The following SPDEF variants were observed in gnomAD, a reference collection of about 807,000 sequenced individuals.
SPDEF encodes SAM pointed domain containing ETS transcription factor, also known as SAM pointed domain-containing Ets transcription factor.
A neutral mutation model predicts 36.0 loss-of-function variants in SPDEF; 12 were observed. The ratio of observed to expected loss-of-function variants is 0.33; its 90% CI spans 0.21 to 0.54. SPDEF has a LOEUF of 0.54. Ranked by LOEUF, SPDEF falls within the 20% of genes least tolerant of loss-of-function variation. SPDEF has a pLI of 0.93. For missense variants in SPDEF, 388 were observed against 456.9 expected (o/e 0.85, Z 1.37); for synonymous variants, 205 against 193.0 (o/e 1.06, Z -0.51).
chr6:34,554,002 C>G (rs1190303463), intron 1 of SPDEF, among the ~76,000 whole-genome samples: 2 of 151,546 alleles, frequency 1.3e-5, no homozygotes, highest in East Asian at 3.9e-4. Context: ...CTGCTCCAGG[C>G]TGTCTCCTCC....
At chr6:34,542,446 G>C (rs7761030) in intron 2 of SPDEF, among the ~76,000 whole-genome samples, 113 of 152,342 alleles carry the variant, frequency 7.4e-4, no homozygotes, top group African/African-American at 2.5e-3. Context: ...CCTCCTCATC[G>C]GGGCCTTCCG....
intron 1 of SPDEF, among the ~76,000 whole-genome samples, chr6:34,546,403 C>G (rs1767954284): frequency 6.6e-6 from 1 of 152,152 alleles, no homozygotes. Context: ...TGATCCATCT[C>G]CAGTTACCCT....
In SPDEF at chr6:34,555,211, C is replaced by T. The variant is rs1037610708; in HGVS notation, c.-30+718G>A. The stretch of plus-strand genomic sequence containing the variant: ...AGCTTCCCACCCTGTCATCCCACCA[C>T]CCACTTCCTCTCTCCACCGCAGAAA... On this transcript the variant is annotated intron_variant, in intron 1 of 5. Coordinates refer to ENST00000374037, the MANE Select transcript of SPDEF (RefSeq NM_012391.3). This position sits in a 1 kb window ranked among gnomAD's most constrained non-coding sequence, Gnocchi z 5.2. 5.3e-5 allele frequency among the ~76,000 whole-genome samples: 8 copies of T among 151,520 alleles called. No homozygotes were observed. Among genetic ancestry groups the T allele is most frequent in the Non-Finnish European group, 8.8e-5 (6 of 67,896 alleles).
chr6:34,554,436 T>A (rs1768125471), intron 1 of SPDEF, among the ~76,000 whole-genome samples: 1 of 152,082 alleles, frequency 6.6e-6, no homozygotes, highest in African/African-American at 2.4e-5. Flanking sequence ...AACCAAAGTG[T>A]TTTACAACTG....
chr6:34,548,749 T>C (rs1768001783), intron 1 of SPDEF, among the ~76,000 whole-genome samples: 1 of 152,198 alleles, frequency 6.6e-6, no homozygotes, highest in African/African-American at 2.4e-5. Flanking sequence ...CCTTTCCTTC[T>C]CATCACAATT....
In SPDEF at chr6:34,538,416, C is replaced by T. The variant is rs765350354; in HGVS notation, c.866G>A (p.Arg289Gln). The change falls in exon 6 of 6, where the codon CGG (arginine) becomes CAG (glutamine). Residue 289 changes from arginine to glutamine, a missense_variant. Physicochemically the swap from Arg to Gln is conservative, Grantham distance 43. This residue lies in a region of SPDEF where 80 missense variants were observed against 130.8 expected (regional missense o/e 0.61). Transcript: ENST00000374037. The surrounding 1 kb of genome is among the most constrained non-coding windows in gnomAD (Gnocchi z 5.9). ...ACGGTTCTTGCGGATGCCCCACAGC[C>T]GGGCCACCTGGGCTGAGTCCTCAAT... ...FKIEDSAQVA[R>Q]LWGIRKNRPA... is the part of the protein sequence containing the mutation. 3.5e-5 allele frequency: 57 copies of T among 1,613,764 alleles called. No homozygotes were observed. The highest frequency in any genetic ancestry group is 1.6e-4 in the Middle Eastern group (1 of 6,078).
Position 34,541,087 on chromosome 6 carries a change from C to T in SPDEF, c.531G>A (p.Glu177=), listed in dbSNP as rs751824837. 7 of 1,611,820 alleles carry T rather than the reference C, an allele frequency of 4.3e-6. No homozygotes were observed. The highest frequency in any genetic ancestry group is 1.3e-5 in the African/African-American group (1 of 75,046). Residue 177 remains glutamate (E), a synonymous_variant, in exon 3 of 6, where the codon GAG becomes GAA. Coordinates refer to ENST00000374037, the MANE Select transcript of SPDEF (RefSeq NM_012391.3). The part of the protein sequence containing the change: ...RLPPMGKAFQ[E]LAGKELCAMS... ...TGGCGCACAGCTCCTTGCCCGCCAG[C>T]TCCTGGAAGGCCTTGCCCATGGGGG...
chr6:34,540,837 G>A, intron 3 of SPDEF, 147 bp downstream of exon 3: 4 of 729,814 alleles, frequency 5.5e-6, no homozygotes, highest in South Asian at 1.8e-5. Context: ...GGATCCAGGA[G>A]GCAGCTGAAA....
Position 34,555,533 on chromosome 6 carries a change from C to T in SPDEF, c.-30+396G>A, listed in dbSNP as rs1768149690. 6.6e-6 allele frequency among the ~76,000 whole-genome samples: 1 copy of T among 152,246 alleles called. No individual in the cohort carries two copies. The highest frequency in any genetic ancestry group is 2.4e-5 in the African/African-American group (1 of 41,478). On this transcript the variant is annotated intron_variant, in intron 1 of 5. Transcript: ENST00000374037. The surrounding 1 kb of genome is among the most constrained non-coding windows in gnomAD (Gnocchi z 5.2). ...CCTGGCACCAGGGAGACCCTTTCCT[C>T]AGCAGAGCAGCTGGGTTGGCAGCAG...
chr6:34,542,993 A>C (rs1434898040), intron 2 of SPDEF, among the ~76,000 whole-genome samples: 4 of 151,202 alleles, frequency 2.6e-5, no homozygotes, highest in Admixed American at 1.3e-4. Context: ...GGAGATCGAG[A>C]CCATCCTGGC....
rs1370485593 is a variant in SPDEF, at chr6:34,552,148, C to A, written c.-30+3781G>T. The stretch of plus-strand genomic sequence containing the variant: ...TCTGGCACAGTCTCGTCCTCACCCC[C>A]AAATCGCCGGTACACTCCTTGAAGG... On this transcript the variant is annotated intron_variant, in intron 1 of 5. Transcript: ENST00000374037. The surrounding 1 kb of genome is among the most constrained non-coding windows in gnomAD (Gnocchi z 4.6). Among the ~76,000 whole-genome samples the A allele has an allele frequency of 6.6e-6, 1 of 152,134 alleles. No homozygotes were observed. Among genetic ancestry groups the A allele is most frequent in the Non-Finnish European group, 1.5e-5 (1 of 68,020 alleles).
At chr6:34,545,460 C>T (rs1481504739) in intron 1 of SPDEF, among the ~76,000 whole-genome samples, 4 of 152,264 alleles carry the variant, frequency 2.6e-5, no homozygotes, top group Non-Finnish European at 1.5e-5. Flanking sequence ...TTGCTCCCCA[C>T]GGGCCGCCCC....
At chr6:34,549,127 C>A (rs1322905004) in intron 1 of SPDEF, among the ~76,000 whole-genome samples, 1 of 152,218 alleles carries the variant, frequency 6.6e-6, no homozygotes, top group African/African-American at 2.4e-5. Flanking sequence ...AGCGATGCCT[C>A]CAGCTCCCAA....
At chr6:34,546,995 C>A (rs1436661476) in intron 1 of SPDEF, among the ~76,000 whole-genome samples, 2 of 141,786 alleles carry the variant, frequency 1.4e-5, no homozygotes, top group Admixed American at 6.8e-5. Context: ...CCTGGGGACC[C>A]CCCCCCGCAG....
rs985967637 is a variant in SPDEF at position 34,538,578 on chromosome 6, G to A, written c.830-126C>T. ...CCCGTGCAGAGGCCTCCCCCTGCTC[G>A]GGTGGGGCGGGGTGTGGGGGCCCAA... On this transcript the variant is annotated intron_variant, in intron 5 of 5. Coordinates refer to ENST00000374037, the MANE Select transcript of SPDEF (RefSeq NM_012391.3). The surrounding 1 kb of genome is among the most constrained non-coding windows in gnomAD (Gnocchi z 5.9). 1.2e-5 allele frequency: 11 copies of A among 908,478 alleles called. No individual in the cohort carries two copies. The highest frequency in any genetic ancestry group is 5.0e-5 in the African/African-American group (3 of 60,054). The allele number at this position is 908,478 out of a possible 1,614,324, so 56.3% of individuals were successfully genotyped here.
rs1767808353 is a variant in SPDEF, at chr6:34,541,021, C to T, written c.597G>A (p.Gly199=). 3 of 1,612,044 alleles carry T rather than the reference C, an allele frequency of 1.9e-6. No individual in the cohort carries two copies. The highest frequency in any genetic ancestry group is 1.7e-6 in the Non-Finnish European group (2 of 1,179,912). ...TGTCCAGGTGGGCGTGCAGCACATC[C>T]CCACCCAGGGGCGAGCGCTGGCGGA... ...EQFRQRSPLG[G]DVLHAHLDIW... is the part of the protein sequence containing the mutation. The change falls in exon 3 of 6, where the codon GGG becomes GGA. Residue 199 remains glycine (G), a synonymous_variant. Transcript: ENST00000374037.
In SPDEF at chr6:34,541,012, C is replaced by A. The variant is rs958488264; in HGVS notation, c.606G>T (p.Leu202=). The A allele has an allele frequency of 6.2e-7, 1 of 1,611,610 alleles. No individual in the cohort carries two copies. The highest frequency in any genetic ancestry group is 8.5e-7 in the Non-Finnish European group (1 of 1,179,762). Residue 202 remains leucine (L), a synonymous_variant, in exon 3 of 6, where the codon CTG becomes CTT. Transcript: ENST00000374037. The part of the protein sequence containing the change: ...RQRSPLGGDV[L]HAHLDIWKSA... Reference sequence around the variant, plus strand: ...ACTTCCAGATGTCCAGGTGGGCGTGCAGCACATCCCCACCCAGGGGCGAGC... The same window carrying A: ...ACTTCCAGATGTCCAGGTGGGCGTGAAGCACATCCCCACCCAGGGGCGAGC...
In SPDEF at chr6:34,539,630, G is replaced by T; in HGVS notation, c.635-68C>A. On this transcript the variant is annotated intron_variant, in intron 3 of 5. Coordinates refer to ENST00000374037, the MANE Select transcript of SPDEF (RefSeq NM_012391.3). This position sits in a 1 kb window ranked among gnomAD's most constrained non-coding sequence, Gnocchi z 5.2. ...CGAGGGTGGAGGAGGGGAGGCGTTTGGGTGGGACTGTGGGGCCACAGGAGC... is the reference window on the plus strand; with the variant it reads ...CGAGGGTGGAGGAGGGGAGGCGTTTTGGTGGGACTGTGGGGCCACAGGAGC... 4 of 1,525,352 alleles carry T rather than the reference G, an allele frequency of 2.6e-6. No individual in the cohort carries two copies. The highest frequency in any genetic ancestry group is 1.2e-5 in the South Asian group (1 of 83,512). 94.5% of individuals were successfully genotyped at this position (1,525,352 alleles called of 1,614,324 possible).
In SPDEF at chr6:34,553,656, G is replaced by C. The variant is rs1017675987; in HGVS notation, c.-30+2273C>G. On this transcript the variant is annotated intron_variant, in intron 1 of 5. Coordinates refer to ENST00000374037, the MANE Select transcript of SPDEF (RefSeq NM_012391.3). ...TGAGGGGGGCCCTGGGCACAGGTGAGGGGATCAGCTGGAGAAGAGGAAAGA... is the reference window on the plus strand; with the variant it reads ...TGAGGGGGGCCCTGGGCACAGGTGACGGGATCAGCTGGAGAAGAGGAAAGA... Among the ~76,000 whole-genome samples the C allele has an allele frequency of 2.0e-5, 3 of 152,236 alleles. No individual in the cohort carries two copies. The East Asian group carries it at 5.8e-4, about 29-fold the overall frequency.
Sources: allele counts gnomAD v4.1 joint callset (sites outside exome capture counted in the v4.1 genomes callset), GRCh38; gene constraint gnomAD v4.1.1; regional missense constraint gnomAD v4.1.1; non-coding constraint Gnocchi (gnomAD v3.1); transcripts MANE v1.5; gene names NCBI Gene and HGNC (gene_info 2026-07-23, HGNC 2026-07-21).